Variants in PRKCQ observed in about 807,000 individuals in gnomAD.
PRKCQ encodes the protein protein kinase C theta, also known as protein kinase C theta type.
PRKCQ carries 41 observed loss-of-function variants against 91.2 expected under a neutral mutation model. The ratio of observed to expected loss-of-function variants is 0.45; its 90% CI spans 0.35 to 0.58. The LOEUF is 0.58. PRKCQ is among the 20% of genes least tolerant of loss of function. PRKCQ has a pLI of 0.00. For missense variants in PRKCQ, 673 were observed against 896.5 expected (o/e 0.75, Z 3.18); for synonymous variants, 307 against 316.9 (o/e 0.97, Z 0.33).
chr10:6,510,711 G>A (rs1235244941), intron 3 of PRKCQ, among the ~76,000 whole-genome samples: 1 of 152,170 alleles, frequency 6.6e-6, no homozygotes, highest in African/African-American at 2.4e-5. Flanking sequence ...GGGAATTTGA[G>A]ATATTCCAAG....
chr10:6,558,649 A>T (rs1840510387), intron 1 of PRKCQ, among the ~76,000 whole-genome samples: 1 of 152,232 alleles, frequency 6.6e-6, no homozygotes, highest in Non-Finnish European at 1.5e-5. Flanking sequence ...GCAGGTTTTT[A>T]GGAGAATCAC....
the PRKCQ span, among the ~76,000 whole-genome samples, chr10:6,419,651 C>T: frequency 1.3e-5 from 2 of 151,148 alleles, no homozygotes; most frequent in African/African-American, 2.4e-5. Context: ...CTGTGTATCA[C>T]CCACTCTCAA....
chr10:6,395,064 T>G, the PRKCQ span, among the ~76,000 whole-genome samples: 2 of 145,586 alleles, frequency 1.4e-5, no homozygotes, highest in Admixed American at 6.8e-5. Context: ...GTCTTTTTTT[T>G]TTTTTTTTTT....
At chr10:6,543,451 AG>A in intron 1 of PRKCQ, among the ~76,000 whole-genome samples, 1 of 147,692 alleles carries the variant, frequency 6.8e-6, no homozygotes, top group South Asian at 2.1e-4. Context: ...GGAGGGAGGA[AG>A]AAGTCAGAAA....
chr10:6,475,915 G>A (rs1836243038), intron 12 of PRKCQ, among the ~76,000 whole-genome samples: 3 of 152,166 alleles, frequency 2.0e-5, no homozygotes, highest in Admixed American at 1.3e-4. Context: ...TGAGTCTTGA[G>A]CCAGTCAGAT....
intron 1 of PRKCQ, among the ~76,000 whole-genome samples, chr10:6,571,855 G>A (rs1841059172): frequency 6.6e-6 from 1 of 152,002 alleles, no homozygotes; most frequent in Non-Finnish European, 1.5e-5. Flanking sequence ...CAAACAAACA[G>A]GAACCAGGTG....
chr10:6,497,058 C>A lies in PRKCQ; in HGVS notation c.637G>T (p.Ala213Ser). The A allele has an allele frequency of 6.2e-7, 1 of 1,613,106 alleles. No individual in the cohort carries two copies. The highest frequency in any genetic ancestry group is 1.9e-4 in the Middle Eastern group (1 of 5,270). ...DKVIAKCTGS[A>S]INSRETMFHK... is the part of the protein sequence containing the mutation. ...ACCATGGTTTCTCGGCTATTGATAG[C>A]TGATCCTGTGCACTTTGCTATAACT... The change falls in exon 7 of 18, where the codon GCT (alanine) becomes TCT (serine). Residue 213 changes from alanine to serine, a missense_variant. By Grantham distance (99) the Ala-to-Ser change is moderately conservative. Coordinates refer to ENST00000263125, the MANE Select transcript of PRKCQ (RefSeq NM_006257.5). The surrounding 1 kb of genome is among the most constrained non-coding windows in gnomAD (Gnocchi z 4.5).
intron 1 of PRKCQ, chr10:6,515,376 A>G: frequency 6.9e-7 from 1 of 1,452,750 alleles, no homozygotes; most frequent in Non-Finnish European, 9.0e-7. Context: ...TCTGCACTCA[A>G]CCTTGCTTTT....
At chr10:6,485,470 T>A (rs1162618416) in intron 9 of PRKCQ, among the ~76,000 whole-genome samples, 2 of 152,216 alleles carry the variant, frequency 1.3e-5, no homozygotes, top group African/African-American at 4.8e-5. Flanking sequence ...GCCGAACACG[T>A]TTGCCTCCTT....
intron 1 of PRKCQ, among the ~76,000 whole-genome samples, chr10:6,557,442 G>A (rs919001639): frequency 6.6e-6 from 1 of 152,020 alleles, no homozygotes; most frequent in Non-Finnish European, 1.5e-5. Flanking sequence ...CACTGCACAG[G>A]ACACTGTCGA....
Position 6,456,687 on chromosome 10 carries a change from T to C in PRKCQ, c.1634A>G (p.Tyr545Cys), listed in dbSNP as rs1273978411. The C allele has an allele frequency of 6.2e-7, 1 of 1,614,146 alleles. No individual in the cohort carries two copies. Among genetic ancestry groups the C allele is most frequent in the Non-Finnish European group, 8.5e-7 (1 of 1,179,990 alleles). ...CTGCATTCCTACCTCTGGGGCGATG[T>C]AGTCAGGTGTCCCACAGAAGGTATT... ...KTNTFCGTPD[Y>C]IAPEILLGQK... The change falls in exon 15 of 18, where the codon TAC becomes TGC. Residue 545 changes from tyrosine to cysteine, a missense_variant. Transcript: ENST00000263125.
intron 1 of PRKCQ, among the ~76,000 whole-genome samples, chr10:6,524,531 C>T (rs1267935461): frequency 1.3e-5 from 2 of 152,214 alleles, no homozygotes; most frequent in East Asian, 3.8e-4. Context: ...CTACTTTTCA[C>T]TTTCATTTTT....
chr10:6,521,593 T>C (rs1431236187), intron 1 of PRKCQ, among the ~76,000 whole-genome samples: 1 of 152,232 alleles, frequency 6.6e-6, no homozygotes, highest in Non-Finnish European at 1.5e-5. Flanking sequence ...TTATTATTAT[T>C]ACAACTCTGA....
At chr10:6,502,761 G>A (rs1371698290) in intron 4 of PRKCQ, among the ~76,000 whole-genome samples, 1 of 152,218 alleles carries the variant, frequency 6.6e-6, no homozygotes, top group Non-Finnish European at 1.5e-5. Flanking sequence ...TGTGGAAGTT[G>A]AAAGAAAAGG....
intron 15 of PRKCQ, among the ~76,000 whole-genome samples, chr10:6,453,680 A>T (rs549269374): frequency 0.084 from 12,781 of 152,164 alleles, 715 homozygotes; most frequent in Admixed American, 0.15. Context: ...CAAATGTCCA[A>T]AAATGATAGA....
intron 1 of PRKCQ, among the ~76,000 whole-genome samples, chr10:6,547,573 G>C (rs1374688600): frequency 1.0e-4 from 15 of 145,282 alleles, no homozygotes; most frequent in Admixed American, 1.4e-4. Context: ...TCAGAAATAA[G>C]GCCACATATC....
chr10:6,559,212 T>G (rs1245713541), intron 1 of PRKCQ, among the ~76,000 whole-genome samples: 7 of 152,136 alleles, frequency 4.6e-5, no homozygotes, highest in South Asian at 2.1e-4. Flanking sequence ...AGTCACCAAC[T>G]AGGTGCCAGG....
the PRKCQ span, among the ~76,000 whole-genome samples, chr10:6,418,443 C>G: frequency 6.6e-6 from 1 of 152,182 alleles, no homozygotes; most frequent in East Asian, 1.9e-4. Flanking sequence ...CTGGTTCCTT[C>G]TTTGTTTCCA....
chr10:6,543,855 G>A (rs10906822), intron 1 of PRKCQ, among the ~76,000 whole-genome samples: 64,142 of 152,080 alleles, frequency 0.42, 16,490 homozygotes, highest in Admixed American at 0.58. Context: ...TGGGATGACA[G>A]GGCCTTGTTT....
Sources: gnomAD v4.1 joint callset for allele counts (sites outside exome capture counted in the v4.1 genomes callset) on GRCh38, gnomAD v4.1.1 for gene constraint, Gnocchi (gnomAD v3.1) non-coding constraint, MANE v1.5 for transcripts, NCBI Gene and HGNC (gene_info 2026-07-23, HGNC 2026-07-21) for gene names.